Variants in SOAT1 observed in about 807,000 individuals in gnomAD.
SOAT1 encodes sterol O-acyltransferase 1, also known as acyl-coenzyme A:cholesterol acyltransferase 1.
Under a neutral mutation model 69.5 loss-of-function variants are expected in SOAT1, and 55 were observed. That is an observed-to-expected ratio of 0.79 (90% CI 0.64 to 0.99). The LOEUF is 0.99. SOAT1 is among the 50% of genes least tolerant of loss of function. The pLI is 0.00. For synonymous variants in SOAT1, 231 were observed against 224.7 expected, an observed-to-expected ratio of 1.03 and a Z score of -0.25; for missense variants, 580 against 669.3, an observed-to-expected ratio of 0.87 and a Z score of 1.47.
intron 1 of SOAT1, chr1:179,294,344 T>C (rs1169626193): frequency 6.6e-6 from 1 of 152,214 alleles, no homozygotes; most frequent in African/African-American, 2.4e-5. Context: ...TGAAAATCTG[T>C]AGGGGCACCA....
intron 6 of SOAT1, among the ~76,000 whole-genome samples, 186 bp from the exon 7 acceptor site, chr1:179,340,842 T>TA (rs1491188378): frequency 8.2e-5 from 12 of 146,954 alleles, no homozygotes; most frequent in South Asian, 4.3e-4. Context: ...TATATATATA[T>TA]TGTAAAGCAG....
At chr1:179,339,823 A>G (rs1163840425) in intron 6 of SOAT1, among the ~76,000 whole-genome samples, 1 of 152,248 alleles carries the variant, frequency 6.6e-6, no homozygotes, top group Non-Finnish European at 1.5e-5. Context: ...TGACCTACGA[A>G]CAGCACGGGT....
chr1:179,342,947 A>G lies in SOAT1; in HGVS notation c.941+4A>G, dbSNP rs1199553622. 6.2e-7 allele frequency: 1 copy of G among 1,610,984 alleles called. No individual in the cohort carries two copies. Among genetic ancestry groups the G allele is most frequent in the East Asian group, 2.2e-5 (1 of 44,854 alleles). ...TCTACCGTGACAGCTATCCCAGGTA[A>G]TGGTACTGTGAACCAGAAATGTGGT... On this transcript the variant is annotated splice_donor_region_variant and intron_variant, in intron 9 of 15. Transcript: ENST00000367619.
intron 1 of SOAT1, among the ~76,000 whole-genome samples, chr1:179,299,920 ATT>A (rs11371492): frequency 7.2e-6 from 1 of 138,514 alleles, no homozygotes; most frequent in Admixed American, 7.2e-5. Flanking sequence ...TGCCCAGCTA[ATT>A]TTTTTTTTTT....
chr1:179,350,494 G>A (rs1666688017), intron 14 of SOAT1, 63 bp downstream of exon 14: 2 of 1,498,660 alleles, frequency 1.3e-6, no homozygotes, highest in African/African-American at 2.8e-5. Flanking sequence ...CAGATAGAAA[G>A]GAAACTATAA....
intron 3 of SOAT1, among the ~76,000 whole-genome samples, chr1:179,328,517 G>A (rs114965429): frequency 4.9e-4 from 74 of 152,184 alleles, no homozygotes; most frequent in African/African-American, 1.4e-3. Context: ...AATTTTGGCC[G>A]GAAGGACAAG....
intron 11 of SOAT1, among the ~76,000 whole-genome samples, chr1:179,345,536 T>G (rs980165778): frequency 4.6e-5 from 7 of 152,162 alleles, no homozygotes; most frequent in African/African-American, 1.4e-4. Context: ...GCTGACCACA[T>G]TTTTAAATCT....
chr1:179,339,918 G>A (rs2862615), intron 6 of SOAT1, among the ~76,000 whole-genome samples: 4,781 of 152,232 alleles, frequency 0.031, 146 homozygotes, highest in African/African-American at 0.075. Flanking sequence ...ACATCTGCAA[G>A]CAAAGGCTGA....
Position 179,342,114 on chromosome 1 carries a change from A to AT in SOAT1, c.783dup (p.Arg262SerfsTer22), listed in dbSNP as rs779772463. On this transcript the variant is annotated frameshift_variant and splice_region_variant, in exon 8 of 16. Coordinates refer to ENST00000367619, the MANE Select transcript of SOAT1 (RefSeq NM_003101.6). LOFTEE classifies it high-confidence loss of function. ...CATCTTTTTCCTCCTGCTTTTGTAGATTCGTTTTGTAATGAAGGCCCACTC... is the reference window on the plus strand; with the variant it reads ...CATCTTTTTCCTCCTGCTTTTGTAGATTTCGTTTTGTAATGAAGGCCCACTC... 7.4e-5 allele frequency: 119 copies of AT among 1,613,336 alleles called. No individual in the cohort carries two copies. The highest frequency in any genetic ancestry group is 9.5e-5 in the Non-Finnish European group (112 of 1,179,618).
At position 179,357,454 on chromosome 1, in the gene SOAT1, G is replaced by GCCT. The variant is rs1323216116; in HGVS notation, c.*3816_*3818dup. On this transcript the variant is annotated 3_prime_UTR_variant, in exon 16 of 16. Transcript: ENST00000367619. The stretch of plus-strand genomic sequence containing the variant: ...CTGACCTCATGATCCGCCAGCCTCA[G>GCCT]CCTCCCATAGTGCTGGGATTATAGG... 5.9e-5 allele frequency: 9 copies of GCCT among 152,244 alleles called. No homozygotes were observed. Among genetic ancestry groups the GCCT allele is most frequent in the African/African-American group, 2.2e-4 (9 of 41,462 alleles). 9.4% of individuals were successfully genotyped at this position (152,244 alleles called of 1,614,324 possible).
At chr1:179,346,763 C>A (rs4421551) in intron 11 of SOAT1, among the ~76,000 whole-genome samples, 133,453 of 152,106 alleles carry the variant, frequency 0.88, 58,622 homozygotes, top group East Asian at 0.91. Flanking sequence ...CCAGTGGCAC[C>A]ACTCCCTCTC....
At chr1:179,345,911 A>G (rs1666518446) in intron 11 of SOAT1, among the ~76,000 whole-genome samples, 2 of 118,878 alleles carry the variant, frequency 1.7e-5, no homozygotes, top group Non-Finnish European at 3.9e-5. Flanking sequence ...TCTTAAATAT[A>G]TTTATTGCAT....
In SOAT1 at chr1:179,357,037, T is replaced by G. The variant is rs552891765; in HGVS notation, c.*3396T>G. 1 of 152,262 alleles carries G rather than the reference T, an allele frequency of 6.6e-6. No homozygotes were observed. 9.4% of individuals were successfully genotyped at this position (152,262 alleles called of 1,614,324 possible). A position where few individuals can be genotyped will look rare whatever the true frequency, so the allele number is the denominator to read the frequency against. Reference sequence around the variant, plus strand: ...CTTGCTTACTAATCTTATGCAAAATTTCATGTAATTTATGTAATACTACAT... The same window carrying G: ...CTTGCTTACTAATCTTATGCAAAATGTCATGTAATTTATGTAATACTACAT... On this transcript the variant is annotated 3_prime_UTR_variant, in exon 16 of 16. Coordinates refer to ENST00000367619, the MANE Select transcript of SOAT1 (RefSeq NM_003101.6).
At chr1:179,303,270 A>G (rs1459230001) in intron 2 of SOAT1, among the ~76,000 whole-genome samples, 3 of 152,194 alleles carry the variant, frequency 2.0e-5, no homozygotes, top group African/African-American at 7.2e-5. Flanking sequence ...CTGAGCTATA[A>G]ATCTTGGGAG....
intron 2 of SOAT1, among the ~76,000 whole-genome samples, chr1:179,307,301 A>T (rs1164634249): frequency 6.6e-6 from 1 of 152,216 alleles, no homozygotes; most frequent in Non-Finnish European, 1.5e-5. Flanking sequence ...CTTCATCAAG[A>T]TGGTAAACTA....
chr1:179,332,252 T>A (rs1161340711), intron 3 of SOAT1, among the ~76,000 whole-genome samples: 1 of 152,198 alleles, frequency 6.6e-6, no homozygotes, highest in Non-Finnish European at 1.5e-5. Flanking sequence ...GTGCTTAAAA[T>A]GTCATTGGCT....
At chr1:179,295,130 A>G (rs999650709) in intron 1 of SOAT1, among the ~76,000 whole-genome samples, 1 of 152,120 alleles carries the variant, frequency 6.6e-6, no homozygotes, top group African/African-American at 2.4e-5. Context: ...CTTTTAGGAT[A>G]AAGACCTACT....
At chr1:179,304,253 C>T (rs1481258441) in intron 2 of SOAT1, among the ~76,000 whole-genome samples, 1 of 150,788 alleles carries the variant, frequency 6.6e-6, no homozygotes, top group Non-Finnish European at 1.5e-5. Context: ...CGTGCCCAGC[C>T]TGGTCTAGGT....
intron 11 of SOAT1, among the ~76,000 whole-genome samples, chr1:179,347,281 C>T (rs1483482422): frequency 6.8e-6 from 1 of 148,062 alleles, no homozygotes. Flanking sequence ...TTGCTTGAAC[C>T]CTGGAGGCAG....
Sources: allele counts gnomAD v4.1 joint callset (sites outside exome capture counted in the v4.1 genomes callset), GRCh38; gene constraint gnomAD v4.1.1; transcripts MANE v1.5; gene names NCBI Gene and HGNC (gene_info 2026-07-23, HGNC 2026-07-21).